SHPRH: variants seen among roughly 807,000 people sequenced by gnomAD.
SHPRH encodes E3 ubiquitin-protein ligase SHPRH.
In SHPRH, 106 loss-of-function variants were observed where a neutral mutation model predicts 202.5. The ratio of observed to expected loss-of-function variants is 0.52; its 90% confidence interval spans 0.45 to 0.62. SHPRH has a LOEUF of 0.62. SHPRH is among the 20% of genes least tolerant of loss of function. The pLI, the probability that SHPRH is intolerant of heterozygous loss-of-function variation, is 0.00. For synonymous variants in SHPRH, 729 were observed against 686.0 expected (o/e 1.06, Z -0.98); for missense variants, 1,710 against 2,020.0 (o/e 0.85, Z 2.94).
intron 14 of SHPRH, among the ~76,000 whole-genome samples, chr6:145,929,242 C>A (rs79197083): frequency 3.3e-5 from 5 of 151,824 alleles, no homozygotes; most frequent in Non-Finnish European, 7.4e-5. Context: ...CACTTGATGG[C>A]GCTAACATTT....
intron 28 of SHPRH, 92 bp downstream of exon 28, chr6:145,893,123 C>T (rs190097980): frequency 1.6e-5 from 17 of 1,091,290 alleles, no homozygotes; most frequent in Middle Eastern, 2.2e-4. Flanking sequence ...AAAACAAGTA[C>T]GCTATGATGA....
rs1209205772 is a variant in SHPRH at position 145,945,471 on chromosome 6, C to A, written c.1488G>T (p.Val496=). Residue 496 remains valine (V), a synonymous_variant, in exon 8 of 30, where the codon GTG becomes GTT. Transcript: ENST00000275233. The part of the protein sequence containing the change: ...MLKCLIFEGL[V]KQIKGHGFSG... Reference sequence around the variant, plus strand: ...AAAAACCATGGCCTTTGATCTGTTTCACGAGACCTTCAAAAATTAAACATT... The same window carrying A: ...AAAAACCATGGCCTTTGATCTGTTTAACGAGACCTTCAAAAATTAAACATT... The A allele has an allele frequency of 3.4e-5, 55 of 1,613,038 alleles. No individual in the cohort carries two copies. The highest frequency in any genetic ancestry group is 4.6e-5 in the Non-Finnish European group (54 of 1,179,534).
chr6:145,945,518 T>C lies in SHPRH; in HGVS notation c.1441A>G (p.Ser481Gly). The C allele has an allele frequency of 6.2e-7, 1 of 1,613,330 alleles. No individual in the cohort carries two copies. ...CATTTCAGCATCCGTTTCAAAAGAC[T>C]CCTGTTCCGTTGAACATCGTATCTA... ...IYRYDVQRNRSLLKRMLKCLI... is the reference protein window; with the variant it reads ...IYRYDVQRNRGLLKRMLKCLI... Residue 481 changes from serine (S) to glycine (G), a missense_variant, in exon 8 of 30, where the codon AGT (serine) becomes GGT (glycine). By Grantham distance (56) the Ser-to-Gly change is moderately conservative (BLOSUM62 0). Transcript: ENST00000275233.
intron 28 of SHPRH, among the ~76,000 whole-genome samples, chr6:145,892,405 C>G (rs558715271): frequency 1.3e-5 from 2 of 152,172 alleles, no homozygotes; most frequent in South Asian, 4.2e-4. Flanking sequence ...CATTCTACCC[C>G]AACACTTTAA....
At chr6:145,922,992 A>G (rs4566902) in intron 18 of SHPRH, among the ~76,000 whole-genome samples, 156 bp from the exon 19 acceptor site, 93,991 of 149,602 alleles carry the variant, frequency 0.63, 30,091 homozygotes, top group African/African-American at 0.73. Flanking sequence ...TTCCTTCAGA[A>G]TGTATTCAAA....
chr6:145,955,747 CT>C, intron 1 of SHPRH, among the ~76,000 whole-genome samples: 1 of 152,064 alleles, frequency 6.6e-6, no homozygotes, highest in Admixed American at 6.6e-5. Flanking sequence ...ACACAAATGT[CT>C]GGCATCAAAT....
chr6:145,889,285 G>C (rs1340179737), intron 28 of SHPRH, among the ~76,000 whole-genome samples: 1 of 152,156 alleles, frequency 6.6e-6, no homozygotes, highest in African/African-American at 2.4e-5. Context: ...AATGTTATAA[G>C]TCTCACTTCA....
intron 1 of SHPRH, among the ~76,000 whole-genome samples, chr6:145,960,969 C>A (rs188870223): frequency 6.6e-6 from 1 of 151,858 alleles, no homozygotes; most frequent in African/African-American, 2.4e-5. Context: ...CTAGATCCTG[C>A]GCATATGCAG....
chr6:145,875,583 A>G (rs916053544), intron 2 of SHPRH, among the ~76,000 whole-genome samples: 8 of 152,208 alleles, frequency 5.3e-5, no homozygotes, highest in Non-Finnish European at 7.3e-5. Flanking sequence ...AGAATTAGTC[A>G]TTATGTGAGT....
chr6:145,962,203 TA>T (rs1436874477), intron 1 of SHPRH, among the ~76,000 whole-genome samples: 1 of 152,198 alleles, frequency 6.6e-6, no homozygotes, highest in African/African-American at 2.4e-5. Context: ...GAAGCTGAGT[TA>T]AGGGCCTCTC....
chr6:145,952,358 T>A lies in SHPRH; in HGVS notation c.754A>T (p.Ile252Phe). The A allele has an allele frequency of 6.3e-7, 1 of 1,598,846 alleles. No individual in the cohort carries two copies. Among genetic ancestry groups the A allele is most frequent in the Non-Finnish European group, 8.5e-7 (1 of 1,173,386 alleles). Residue 252 changes from isoleucine to phenylalanine, a missense_variant, in exon 3 of 30, where the codon ATT becomes TTT. Transcript: ENST00000275233. ...TTACTGTAAATATTACCTGGAATAATAGAATTGTGTAACTTTTCCATTACT... is the reference window on the plus strand; with the variant it reads ...TTACTGTAAATATTACCTGGAATAAAAGAATTGTGTAACTTTTCCATTACT... Reference protein sequence around the residue: ...KKVMEKLHNSIIPDVLEEDED... With the variant: ...KKVMEKLHNSFIPDVLEEDED...
intron 11 of SHPRH, among the ~76,000 whole-genome samples, chr6:145,936,140 C>T (rs1281591562): frequency 6.6e-6 from 1 of 152,036 alleles, no homozygotes; most frequent in Non-Finnish European, 1.5e-5. Flanking sequence ...CTATTCCCCT[C>T]CACCTGCCCA....
chr6:145,890,282 T>C (rs1318474880), intron 28 of SHPRH, among the ~76,000 whole-genome samples: 1 of 152,172 alleles, frequency 6.6e-6, no homozygotes, highest in Non-Finnish European at 1.5e-5. Flanking sequence ...TAACCTCTCT[T>C]TGTTATACAA....
At chr6:145,959,712 G>C (rs998644712) in intron 1 of SHPRH, among the ~76,000 whole-genome samples, 13 of 152,170 alleles carry the variant, frequency 8.5e-5, no homozygotes, top group African/African-American at 2.9e-4. Context: ...TCACATAATT[G>C]CAAAAAGTCT....
intron 15 of SHPRH, 76 bp downstream of exon 15, chr6:145,927,113 C>T: frequency 3.8e-6 from 5 of 1,311,618 alleles, no homozygotes; most frequent in South Asian, 1.2e-5. Flanking sequence ...ACCATTTATC[C>T]TCTTAAACAT....
At chr6:145,932,971 C>T in intron 14 of SHPRH, 86 bp downstream of exon 14, 1 of 1,455,908 alleles carries the variant, frequency 6.9e-7, no homozygotes, top group Non-Finnish European at 9.2e-7. Context: ...AAATCCCCCC[C>T]CCAAAAATCA....
chr6:145,929,639 T>C (rs569127595), intron 14 of SHPRH, among the ~76,000 whole-genome samples: 30 of 152,154 alleles, frequency 2.0e-4, no homozygotes, highest in Middle Eastern at 3.4e-3. Context: ...AGAAGGAACA[T>C]ATCCTCTATT....
chr6:145,934,998 C>A lies in SHPRH; in HGVS notation c.2899G>T (p.Val967Phe). The stretch of plus-strand genomic sequence containing the variant: ...AGCAATGGATACAGGATAGAGGTGA[C>A]AGTCCTTCTGTCTAGGCTGCTGAGC... ...LKLSSLDRRT[V>F]TSILYPLLRL... The change falls in exon 13 of 30, where the codon GTC becomes TTC. Residue 967 changes from valine to phenylalanine, a missense_variant. By Grantham distance (50) the Val-to-Phe change is conservative. This residue lies in a region of SHPRH where 277 missense variants were observed against 363.0 expected (regional missense o/e 0.76). Transcript: ENST00000275233. 6.2e-7 allele frequency: 1 copy of A among 1,614,070 alleles called. No homozygotes were observed.
intron 23 of SHPRH, among the ~76,000 whole-genome samples, chr6:145,915,821 TTAC>T: frequency 1.9e-5 from 1 of 52,556 alleles, no homozygotes. Flanking sequence ...GTTTTTTTCT[TTAC>T]TTATTCTGCT....
Sources: gnomAD v4.1 joint callset for allele counts (sites outside exome capture counted in the v4.1 genomes callset) on GRCh38, gnomAD v4.1.1 for gene constraint, gnomAD v4.1.1 regional missense constraint, MANE v1.5 for transcripts, NCBI Gene and HGNC (gene_info 2026-07-23, HGNC 2026-07-21) for gene names.